The following SLC3A2 variants were observed in gnomAD, a reference collection of about 807,000 sequenced individuals.
SLC3A2 encodes amino acid transporter heavy chain SLC3A2.
SLC3A2 carries 32 observed loss-of-function variants against 48.5 expected under a neutral mutation model. The ratio of observed to expected loss-of-function variants is 0.66; its 90% confidence interval spans 0.50 to 0.89. SLC3A2 has a LOEUF of 0.89. SLC3A2 is among the 40% of genes least tolerant of loss of function. The pLI is 0.00. For synonymous variants in SLC3A2, 277 were observed against 288.8 expected, an observed-to-expected ratio of 0.96 and a Z score of 0.41; for missense variants, 587 against 680.7, an observed-to-expected ratio of 0.86 and a Z score of 1.53.
chr11:62,883,243 G>GCTTCT (rs2085665932), intron 3 of SLC3A2: 1 of 470,952 alleles, frequency 2.1e-6, no homozygotes. Flanking sequence ...TGCCAGGAAG[G>GCTTCT]GACCTTCTCA....
At chr11:62,882,781 G>A (rs200845246) in intron 2 of SLC3A2, 127 bp from the exon 3 acceptor site, 5 of 586,304 alleles carry the variant, frequency 8.5e-6, no homozygotes, top group South Asian at 3.8e-5. Context: ...AATTTTGCCC[G>A]GGTTCAAATT....
At chr11:62,864,206 G>A (rs1003323637) in intron 1 of SLC3A2, among the ~76,000 whole-genome samples, 11 of 152,132 alleles carry the variant, frequency 7.2e-5, no homozygotes, top group Non-Finnish European at 1.3e-4. Context: ...GGGTTTTAGA[G>A]ATCTCTTTGT....
upstream of SLC3A2, among the ~76,000 whole-genome samples, chr11:62,879,099 G>A (rs1348789874): frequency 4.7e-5 from 7 of 150,510 alleles, no homozygotes. Context: ...GCAGAGTCTT[G>A]CTCTATCACC....
chr11:62,885,696 C>T (rs2085704665), intron 7 of SLC3A2, 88 bp downstream of exon 7: 3 of 1,462,636 alleles, frequency 2.1e-6, no homozygotes, highest in Middle Eastern at 3.5e-4. Context: ...AGACGTGAGC[C>T]TTGGGGTGAA....
At chr11:62,870,875 T>C in intron 1 of SLC3A2, 1 of 187,858 alleles carries the variant, frequency 5.3e-6, no homozygotes, top group Non-Finnish European at 1.0e-5. Flanking sequence ...ATTATTATTA[T>C]TATTATTATT....
chr11:62,865,143 C>G (rs2085439754), intron 1 of SLC3A2, among the ~76,000 whole-genome samples: 1 of 152,168 alleles, frequency 6.6e-6, no homozygotes, highest in Non-Finnish European at 1.5e-5. Flanking sequence ...GTACCGTTAT[C>G]TGAGTAAGTG....
chr11:62,859,790 G>A (rs748005547), intron 1 of SLC3A2, among the ~76,000 whole-genome samples: 41 of 150,344 alleles, frequency 2.7e-4, no homozygotes, highest in Non-Finnish European at 5.2e-4. Context: ...AGAAAAGAGG[G>A]CATTTTAAAA....
At chr11:62,870,606 A>G (rs2085501034) in intron 1 of SLC3A2, 1 of 151,900 alleles carries the variant, frequency 6.6e-6, no homozygotes, top group South Asian at 2.1e-4. Flanking sequence ...TCTCTGTCGT[A>G]TATTGTTTCA....
chr11:62,888,613 G>A lies in SLC3A2; in HGVS notation c.1510G>A (p.Glu504Lys), dbSNP rs764892347. 1 of 1,611,402 alleles carries A rather than the reference G, an allele frequency of 6.2e-7. No homozygotes were observed. The highest frequency in any genetic ancestry group is 1.1e-5 in the South Asian group (1 of 91,082). Reference sequence around the variant, plus strand: ...GCTCAGCACCCAGCCAGGCCGTGAGGAGGGCTCCCCTCTTGAGCTGGAACG... The same window carrying A: ...GCTCAGCACCCAGCCAGGCCGTGAGAAGGGCTCCCCTCTTGAGCTGGAACG... ...LLLSTQPGRE[E>K]GSPLELERLK... is the part of the protein sequence containing the mutation. The change falls in exon 9 of 9, where the codon GAG (glutamate) becomes AAG (lysine). Residue 504 changes from glutamate to lysine, a missense_variant. By Grantham distance (56) the Glu-to-Lys change is moderately conservative. Coordinates refer to ENST00000338663, the MANE Select transcript of SLC3A2 (RefSeq NM_001013251.3).
chr11:62,870,475 C>A (rs946347091), intron 1 of SLC3A2, among the ~76,000 whole-genome samples: 1 of 151,920 alleles, frequency 6.6e-6, no homozygotes, highest in Non-Finnish European at 1.5e-5. Context: ...TGAGCCACCG[C>A]GCCTGGCCTA....
intron 1 of SLC3A2, among the ~76,000 whole-genome samples, chr11:62,862,209 C>T (rs543289322): frequency 6.8e-4 from 103 of 150,930 alleles, no homozygotes; most frequent in African/African-American, 2.5e-3. Context: ...CCCAGCTACT[C>T]GGGAGGCTGA....
Position 62,881,081 on chromosome 11 carries a change from G to A in SLC3A2, c.58G>A (p.Glu20Lys). The change falls in exon 1 of 9, where the codon GAG becomes AAG. Residue 20 changes from glutamate (E) to lysine (K), a missense_variant. Transcript: ENST00000338663. The surrounding 1 kb of genome is among the most constrained non-coding windows in gnomAD (Gnocchi z 4.0). ...KEVELNELEP[E>K]KQPMNAASGA... ...GGTGGAGCTGAATGAGTTAGAGCCC[G>A]AGAAGCAGCCGATGAACGCGGCGTC... The A allele has an allele frequency of 1.9e-6, 3 of 1,608,830 alleles. No homozygotes were observed. Among genetic ancestry groups the A allele is most frequent in the Non-Finnish European group, 1.7e-6 (2 of 1,177,558 alleles).
intron 1 of SLC3A2, among the ~76,000 whole-genome samples, chr11:62,863,848 C>T (rs993572778): frequency 6.6e-6 from 1 of 152,202 alleles, no homozygotes; most frequent in African/African-American, 2.4e-5. Context: ...CTTGGCCTTG[C>T]TCCAGAATCT....
At position 62,888,235 on chromosome 11, in the gene SLC3A2, G is replaced by T; in HGVS notation, c.1227+17G>T. On this transcript the variant is annotated intron_variant, in intron 8 of 8. Transcript: ENST00000338663. The stretch of plus-strand genomic sequence containing the variant: ...ACTGTGAAGGTAAGAGTTCTAGATG[G>T]GTAGAAACTGACCGGTGGAGGGTGG... 6.2e-7 allele frequency: 1 copy of T among 1,613,022 alleles called. No homozygotes were observed. Among genetic ancestry groups the T allele is most frequent in the South Asian group, 1.1e-5 (1 of 91,068 alleles).
chr11:62,881,890 C>T lies in SLC3A2; in HGVS notation c.425-3C>T, dbSNP rs1188184745. On this transcript the variant is annotated splice_region_variant and splice_polypyrimidine_tract_variant and intron_variant, in intron 1 of 8. Coordinates refer to ENST00000338663, the MANE Select transcript of SLC3A2 (RefSeq NM_001013251.3). This position sits in a 1 kb window ranked among gnomAD's most constrained non-coding sequence, Gnocchi z 4.0. ...TCACTTGTTAACCCAGCCCCCATTT[C>T]AGGTCTGAAGGGGCGTCTCGATTAC... The T allele has an allele frequency of 2.5e-6, 4 of 1,613,670 alleles. No individual in the cohort carries two copies. Among genetic ancestry groups the T allele is most frequent in the Admixed American group, 1.7e-5 (1 of 59,998 alleles).
chr11:62,862,553 A>G (rs561385), intron 1 of SLC3A2, among the ~76,000 whole-genome samples: 2,982 of 151,086 alleles, frequency 0.02, 97 homozygotes, highest in African/African-American at 0.068. Flanking sequence ...ACCCCTTCTC[A>G]CCCACAGTCA....
Position 62,881,013 on chromosome 11 carries a change from C to T in SLC3A2, c.-11C>T. 6.4e-7 allele frequency: 1 copy of T among 1,556,478 alleles called. No individual in the cohort carries two copies. Among genetic ancestry groups the T allele is most frequent in the Non-Finnish European group, 8.7e-7 (1 of 1,148,272 alleles). Reference sequence around the variant, plus strand: ...CGCAAGCTGCGTCGTGTCGCCGGTTCTGCAGGCACCATGAGCCAGGACACC... The same window carrying T: ...CGCAAGCTGCGTCGTGTCGCCGGTTTTGCAGGCACCATGAGCCAGGACACC... On this transcript the variant is annotated 5_prime_UTR_variant, in exon 1 of 9. Coordinates refer to ENST00000338663, the MANE Select transcript of SLC3A2 (RefSeq NM_001013251.3). The surrounding 1 kb of genome is among the most constrained non-coding windows in gnomAD (Gnocchi z 4.0).
At chr11:62,885,421 G>A in intron 6 of SLC3A2, 44 bp from the exon 7 acceptor site, 2 of 1,613,940 alleles carry the variant, frequency 1.2e-6, no homozygotes. Flanking sequence ...GGAGACAGAG[G>A]CAGAGGTGGG....
chr11:62,885,075 C>T, intron 5 of SLC3A2, 102 bp from the exon 6 acceptor site: 1 of 1,304,526 alleles, frequency 7.7e-7, no homozygotes, highest in South Asian at 1.3e-5. Context: ...AAGTGATCCA[C>T]CCGCCTCAGC....
Sources: gnomAD v4.1 joint callset for allele counts (sites outside exome capture counted in the v4.1 genomes callset) on GRCh38, gnomAD v4.1.1 for gene constraint, Gnocchi (gnomAD v3.1) non-coding constraint, MANE v1.5 for transcripts, NCBI Gene and HGNC (gene_info 2026-07-23, HGNC 2026-07-21) for gene names.